AGMO: variants seen among roughly 807,000 people sequenced by gnomAD.
The protein encoded by AGMO is alkylglycerol monooxygenase, also known as glyceryl-ether monooxygenase.
AGMO carries 75 observed loss-of-function variants against 60.2 expected under a neutral mutation model. The observed-to-expected ratio is 1.25, with a 90% CI of 1.03 to 1.51. The LOEUF (loss-of-function observed/expected upper bound fraction) is 1.51. Among genes scored for constraint, AGMO ranks in the 40% most tolerant of loss-of-function variants. AGMO has a pLI of 0.00. For synonymous variants in AGMO, 261 were observed against 177.1 expected, an observed-to-expected ratio of 1.47 and a Z score of -3.76; for missense variants, 763 against 525.5, an observed-to-expected ratio of 1.45 and a Z score of -4.42.
intron 5 of AGMO, among the ~76,000 whole-genome samples, chr7:15,416,399 C>T (rs576446178): frequency 4.6e-5 from 7 of 152,028 alleles, no homozygotes; most frequent in East Asian, 3.9e-4. Context: ...CTATTTGGTA[C>T]GTTTTATGGC....
intron 10 of AGMO, among the ~76,000 whole-genome samples, chr7:15,373,183 C>T (rs1399124365): frequency 6.6e-6 from 1 of 151,512 alleles, no homozygotes; most frequent in African/African-American, 2.4e-5. Context: ...GAGGTTAAGG[C>T]ACAAGAACTG....
chr7:15,483,459 C>G (rs1013780349), intron 3 of AGMO, among the ~76,000 whole-genome samples: 3 of 151,940 alleles, frequency 2.0e-5, no homozygotes, highest in Non-Finnish European at 4.4e-5. Flanking sequence ...CCAGCTACTC[C>G]AGAGGCTGAG....
chr7:15,290,952 G>GA (rs1237236875), intron 12 of AGMO, among the ~76,000 whole-genome samples: 1 of 152,080 alleles, frequency 6.6e-6, no homozygotes, highest in Non-Finnish European at 1.5e-5. Context: ...AATATATTAG[G>GA]ATGGATAATA....
the AGMO span, among the ~76,000 whole-genome samples, chr7:15,142,568 A>G: frequency 2.0e-5 from 3 of 152,054 alleles, no homozygotes. Context: ...TAATCTTTCA[A>G]TTTTATCTTT....
the AGMO span, among the ~76,000 whole-genome samples, chr7:15,167,383 G>A: frequency 1.4e-3 from 209 of 152,128 alleles, 1 homozygote; most frequent in African/African-American, 4.9e-3. Flanking sequence ...TTGTTCAAAA[G>A]GATTATGAAG....
intron 12 of AGMO, among the ~76,000 whole-genome samples, chr7:15,291,984 T>A (rs1423133505): frequency 6.6e-6 from 1 of 152,154 alleles, no homozygotes; most frequent in East Asian, 1.9e-4. Flanking sequence ...GTGTCAAGTA[T>A]AGAAGACTCA....
chr7:15,431,186 T>C, intron 3 of AGMO, 78 bp from the exon 4 acceptor site: 2 of 972,208 alleles, frequency 2.1e-6, no homozygotes, highest in African/African-American at 1.7e-5. Context: ...CATGCTGCTC[T>C]GTTGAGTGAG....
At chr7:15,187,325 G>T in the AGMO span, among the ~76,000 whole-genome samples, 2 of 152,090 alleles carry the variant, frequency 1.3e-5, no homozygotes, top group African/African-American at 4.8e-5. Flanking sequence ...TTTGCACATT[G>T]CATATGGGAC....
At chr7:15,326,737 A>C (rs1781349188) in intron 12 of AGMO, among the ~76,000 whole-genome samples, 1 of 152,198 alleles carries the variant, frequency 6.6e-6, no homozygotes. Flanking sequence ...CAAATGGCTA[A>C]CTTGGTACAA....
chr7:15,537,033 G>T (rs1035959539), intron 3 of AGMO, among the ~76,000 whole-genome samples: 1 of 151,908 alleles, frequency 6.6e-6, no homozygotes, highest in South Asian at 2.1e-4. Flanking sequence ...GACAAAATCT[G>T]TTTTTTCCAG....
chr7:15,325,449 A>C (rs1563088552), intron 12 of AGMO, among the ~76,000 whole-genome samples: 1 of 151,912 alleles, frequency 6.6e-6, no homozygotes, highest in African/African-American at 2.4e-5. Context: ...TAAAAAGCTT[A>C]TTTTTAATTA....
chr7:15,190,777 A>T, the AGMO span, among the ~76,000 whole-genome samples: 2 of 152,206 alleles, frequency 1.3e-5, no homozygotes, highest in African/African-American at 4.8e-5. Flanking sequence ...AATTTGGATT[A>T]ACTGATACAG....
Position 15,540,955 on chromosome 7 carries a change from T to C in AGMO, c.409+3817A>G, listed in dbSNP as rs1490080897. ...ACCCAAGGCAAGATAGAGCTTATTATCAGGACCCTGAAGGTCTCATTCTTG... is the reference window on the plus strand; with the variant it reads ...ACCCAAGGCAAGATAGAGCTTATTACCAGGACCCTGAAGGTCTCATTCTTG... On this transcript the variant is annotated intron_variant, in intron 3 of 12. Coordinates refer to ENST00000342526, the MANE Select transcript of AGMO (RefSeq NM_001004320.2). Among the ~76,000 whole-genome samples the C allele has an allele frequency of 3.3e-5, 5 of 152,314 alleles. No individual in the cohort carries two copies. The East Asian group carries it at 9.6e-4, about 29-fold the overall frequency.
intron 10 of AGMO, among the ~76,000 whole-genome samples, chr7:15,379,281 G>A (rs912021114): frequency 3.0e-4 from 46 of 152,024 alleles, no homozygotes; most frequent in African/African-American, 1.1e-3. Context: ...CTGAAGCAAA[G>A]GAGATTGAGA....
chr7:15,499,377 G>A (rs1783318173), intron 3 of AGMO, among the ~76,000 whole-genome samples: 1 of 151,880 alleles, frequency 6.6e-6, no homozygotes, highest in African/African-American at 2.4e-5. Context: ...GTAAAAAGTT[G>A]TAACATACTT....
chr7:15,262,833 G>T (rs1393965596), intron 12 of AGMO, among the ~76,000 whole-genome samples: 1 of 151,972 alleles, frequency 6.6e-6, no homozygotes, highest in Non-Finnish European at 1.5e-5. Context: ...AAGTGGAAAA[G>T]GTTACCCTAC....
At chr7:15,153,442 C>A in the AGMO span, among the ~76,000 whole-genome samples, 1 of 151,964 alleles carries the variant, frequency 6.6e-6, no homozygotes, top group Non-Finnish European at 1.5e-5. Flanking sequence ...AGGGTTTTTC[C>A]AATGTTATCT....
chr7:15,439,264 G>T (rs1015003784), intron 3 of AGMO, among the ~76,000 whole-genome samples: 1 of 152,130 alleles, frequency 6.6e-6, no homozygotes, highest in Non-Finnish European at 1.5e-5. Flanking sequence ...GGGCGTGGTG[G>T]TGCACACCTG....
At chr7:15,250,279 C>G (rs1782891685) in intron 12 of AGMO, among the ~76,000 whole-genome samples, 1 of 152,076 alleles carries the variant, frequency 6.6e-6, no homozygotes, top group African/African-American at 2.4e-5. Context: ...CACTACTGTA[C>G]AAAGAATCCT....
Sources: gnomAD v4.1 joint callset for allele counts (sites outside exome capture counted in the v4.1 genomes callset) on GRCh38, gnomAD v4.1.1 for gene constraint, MANE v1.5 for transcripts, NCBI Gene and HGNC (gene_info 2026-07-23, HGNC 2026-07-21) for gene names.